DOCK11: variants seen among roughly 807,000 people sequenced by gnomAD.
DOCK11 encodes dedicator of cytokinesis protein 11.
DOCK11 carries 70 observed loss-of-function variants against 169.1 expected under a neutral mutation model. The ratio of observed to expected loss-of-function variants is 0.41; its 90% CI spans 0.34 to 0.51. The LOEUF is 0.51. Ranked by LOEUF, DOCK11 falls within the 20% of genes least tolerant of loss-of-function variation. The pLI, the probability that DOCK11 is intolerant of heterozygous loss-of-function variation, is 0.10. For missense variants in DOCK11, 1,166 were observed against 1,538.8 expected (o/e 0.76, Z 4.05); for synonymous variants, 529 against 541.3 (o/e 0.98, Z 0.32).
In DOCK11 at chrX:118,584,756, A is replaced by G. The variant is rs772532873; in HGVS notation, c.1617A>G (p.Gln539=). 5 of 1,179,668 alleles carry G rather than the reference A, an allele frequency of 4.2e-6. No homozygotes were observed. Among genetic ancestry groups the G allele is most frequent in the Non-Finnish European group, 5.7e-6 (5 of 879,814 alleles). Reference sequence around the variant, plus strand: ...TTAGACCCATTTTCAAAGATACTCAAGGCTCTCTTGATCTGGATGGGAGAT... The same window carrying G: ...TTAGACCCATTTTCAAAGATACTCAGGGCTCTCTTGATCTGGATGGGAGAT... ...WAARPIFKDT[Q]GSLDLDGRFS... Residue 539 remains glutamine (Q), a synonymous_variant, in exon 15 of 53, where the codon CAA becomes CAG. Transcript: ENST00000276202.
chrX:118,680,574 G>A lies in DOCK11; in HGVS notation c.5553G>A (p.Lys1851=). Residue 1851 remains lysine (K), a synonymous_variant, in exon 49 of 53, where the codon AAG becomes AAA. Coordinates refer to ENST00000276202, the MANE Select transcript of DOCK11 (RefSeq NM_144658.4). ...YFDDKELTER[K]TEFERNHNIS... is the part of the protein sequence containing the mutation. Reference sequence around the variant, plus strand: ...ATGACAAAGAACTCACAGAAAGGAAGACCGAGTTTGAAAGAAATCATAATA... The same window carrying A: ...ATGACAAAGAACTCACAGAAAGGAAAACCGAGTTTGAAAGAAATCATAATA... 8.3e-7 allele frequency: 1 copy of A among 1,210,508 alleles called. No homozygotes were observed. The highest frequency in any genetic ancestry group is 1.1e-6 in the Non-Finnish European group (1 of 894,567).
rs2057531603 is a variant in DOCK11, at chrX:118,495,851, C to G, written c.-121C>G. 3.8e-6 allele frequency: 1 copy of G among 260,779 alleles called. No homozygotes were observed. The highest frequency in any genetic ancestry group is 1.9e-4 in the South Asian group (1 of 5,198). The allele number at this position is 260,779 out of a possible 1,213,427, so 21.5% of individuals were successfully genotyped here. On this transcript the variant is annotated 5_prime_UTR_variant, in exon 1 of 53. Transcript: ENST00000276202. The stretch of plus-strand genomic sequence containing the variant: ...CGCCGCCGCCGAGCTGCGATGTGGC[C>G]GGCCGGCCGGCGAGTAAACAGAGGG...
chrX:118,586,496 G>A (rs993292566), intron 16 of DOCK11, among the ~76,000 whole-genome samples: 2 of 111,113 alleles, frequency 1.8e-5, no homozygotes, highest in Non-Finnish European at 3.8e-5. Context: ...GGGGGAAACC[G>A]CCCCATGATA....
rs187744165 is a variant in DOCK11, at chrX:118,539,223, T to C, written c.103-3502T>C. 9.8e-5 allele frequency among the ~76,000 whole-genome samples: 11 copies of C among 112,583 alleles called. No homozygotes were observed. The East Asian group carries it at 2.8e-3, about 28-fold the overall frequency. On this transcript the variant is annotated intron_variant, in intron 1 of 52. Coordinates refer to ENST00000276202, the MANE Select transcript of DOCK11 (RefSeq NM_144658.4). ...CTTTGTTTTCTATAACATAAATATA[T>C]GTCCTTCAAAACATGTGGTAAGCTG...
intron 7 of DOCK11, among the ~76,000 whole-genome samples, chrX:118,564,116 G>T (rs1193631669): frequency 8.9e-6 from 1 of 111,906 alleles, no homozygotes; most frequent in Non-Finnish European, 1.9e-5. Flanking sequence ...TCAGAGATGG[G>T]GTTTCTGCAT....
intron 36 of DOCK11, among the ~76,000 whole-genome samples, chrX:118,637,408 T>G (rs2015418634): frequency 1.8e-5 from 2 of 111,884 alleles, no homozygotes; most frequent in Admixed American, 1.9e-4. Context: ...TGCTATTATT[T>G]AAAATGTAGA....
At chrX:118,561,804 G>A (rs781468651) in intron 7 of DOCK11, among the ~76,000 whole-genome samples, 1 of 111,227 alleles carries the variant, frequency 9.0e-6, no homozygotes, top group Non-Finnish European at 1.9e-5. Context: ...GGTTGAAGCT[G>A]CAGTGAGCTG....
intron 7 of DOCK11, 149 bp downstream of exon 7, chrX:118,561,666 C>T: frequency 1.9e-6 from 1 of 522,928 alleles, no homozygotes. Flanking sequence ...CCTAGGAGTA[C>T]ATCAGCCTGG....
Position 118,610,271 on chromosome X carries a change from G to A in DOCK11, c.2950-1G>A. ...TTTTTTCTGTGCCTATTTCATTTCA[G>A]CTTCCCCGAGGCCAGAGATTTCCCG... On this transcript the variant is annotated splice_acceptor_variant, in intron 27 of 52. Coordinates refer to ENST00000276202, the MANE Select transcript of DOCK11 (RefSeq NM_144658.4). LOFTEE classifies it high-confidence loss of function. 1 of 1,210,640 alleles carries A rather than the reference G, an allele frequency of 8.3e-7. No homozygotes were observed. The highest frequency in any genetic ancestry group is 1.1e-6 in the Non-Finnish European group (1 of 895,233).
rs143105814 is a variant in DOCK11, at chrX:118,672,010, T to G, written c.5199+865T>G. On this transcript the variant is annotated intron_variant, in intron 46 of 52. Transcript: ENST00000276202. The stretch of plus-strand genomic sequence containing the variant: ...TATTTTTATCTAGCAACCTCCCCTC[T>G]TCCTCTCAGAGCGTAAAATAATCAG... Among the ~76,000 whole-genome samples, 683 of 112,335 alleles carry G rather than the reference T, an allele frequency of 6.1e-3. 2 individuals carry two copies. The highest frequency in any genetic ancestry group is 0.021 in the African/African-American group (656 of 30,915).
chrX:118,676,406 T>C (rs2016609709), intron 47 of DOCK11, among the ~76,000 whole-genome samples, 185 bp from the exon 48 acceptor site: 1 of 111,595 alleles, frequency 9.0e-6, no homozygotes, highest in Non-Finnish European at 1.9e-5. Context: ...AATTTGAAAA[T>C]TACCAGGAAT....
At chrX:118,533,198 G>A (rs1056592817) in intron 1 of DOCK11, among the ~76,000 whole-genome samples, 1 of 111,066 alleles carries the variant, frequency 9.0e-6, no homozygotes, top group Non-Finnish European at 1.9e-5. Context: ...CACCATGTTG[G>A]CCGGGCTGGT....
Position 118,649,095 on chromosome X carries a change from A to G in DOCK11, c.4549A>G (p.Lys1517Glu). 1 of 1,203,300 alleles carries G rather than the reference A, an allele frequency of 8.3e-7. No homozygotes were observed. Among genetic ancestry groups the G allele is most frequent in the Non-Finnish European group, 1.1e-6 (1 of 892,710 alleles). Residue 1517 changes from lysine to glutamate, a missense_variant, in exon 41 of 53, where the codon AAA becomes GAA. Transcript: ENST00000276202. ...GATGAGAAACAACTTTGAGTATACC[A>G]AAAGGAAAACCTTTTTGAGGACACA... is the stretch of plus-strand genomic sequence containing the variant. ...LLMRNNFEYT[K>E]RKTFLRTHLQ...
chrX:118,498,886 C>T (rs1201145529), intron 1 of DOCK11, among the ~76,000 whole-genome samples: 9 of 111,167 alleles, frequency 8.1e-5, no homozygotes, highest in Non-Finnish European at 1.1e-4. Flanking sequence ...CATGTTGTTG[C>T]GTATTCAAAC....
At chrX:118,627,927 C>T (rs1035783916) in intron 33 of DOCK11, among the ~76,000 whole-genome samples, 8 of 112,117 alleles carry the variant, frequency 7.1e-5, no homozygotes, top group East Asian at 5.6e-4. Context: ...CTTTATTTTA[C>T]GGCTTCCAAG....
intron 45 of DOCK11, 139 bp from the exon 46 acceptor site, chrX:118,670,884 C>T (rs1193900750): frequency 1.2e-5 from 5 of 405,995 alleles, no homozygotes; most frequent in African/African-American, 1.0e-4. Flanking sequence ...TATCGTCACA[C>T]AAGTATGTTC....
intron 1 of DOCK11, among the ~76,000 whole-genome samples, chrX:118,529,053 G>A (rs932505247): frequency 5.6e-5 from 6 of 107,432 alleles, no homozygotes; most frequent in African/African-American, 1.0e-4. Flanking sequence ...GCGCGATCTC[G>A]GCTCACTGCA....
intron 23 of DOCK11, among the ~76,000 whole-genome samples, chrX:118,604,931 C>G (rs748197520): frequency 2.7e-5 from 3 of 111,828 alleles, no homozygotes; most frequent in African/African-American, 9.7e-5. Flanking sequence ...TTCCTCCCCA[C>G]TGCCCCAGGC....
chrX:118,554,514 C>T (rs2012613023), intron 6 of DOCK11, among the ~76,000 whole-genome samples: 1 of 111,312 alleles, frequency 9.0e-6, no homozygotes, highest in South Asian at 3.8e-4. Flanking sequence ...CGCACCACTG[C>T]ACTCCAGCCT....
Sources: allele counts gnomAD v4.1 joint callset (sites outside exome capture counted in the v4.1 genomes callset), GRCh38; gene constraint gnomAD v4.1.1; transcripts MANE v1.5; gene names NCBI Gene and HGNC (gene_info 2026-07-23, HGNC 2026-07-21).